The following IRAG2 variants were observed in gnomAD, a reference collection of about 807,000 sequenced individuals.
IRAG2 encodes lymphoid restricted membrane protein.
In IRAG2, 45 loss-of-function variants were observed where a neutral mutation model predicts 69.9. That is an observed-to-expected ratio of 0.64 (90% CI 0.51 to 0.83). The LOEUF (loss-of-function observed/expected upper bound fraction) is 0.83, where lower values mean the gene tolerates loss of function less well. Among genes scored for constraint, IRAG2 ranks in the 40% least tolerant of loss-of-function variants. The pLI is 0.00. For missense variants in IRAG2, 520 were observed against 587.0 expected, an observed-to-expected ratio of 0.89 and a Z score of 1.18; for synonymous variants, 193 against 202.4, an observed-to-expected ratio of 0.95 and a Z score of 0.40.
chr12:25,070,680 G>A (rs1470950191), intron 6 of IRAG2, among the ~76,000 whole-genome samples: 1 of 152,166 alleles, frequency 6.6e-6, no homozygotes, highest in Non-Finnish European at 1.5e-5. Context: ...GCATCATATG[G>A]TAACTCTATG....
At chr12:25,022,145 A>G (rs1454494258) in intron 7 of IRAG2, among the ~76,000 whole-genome samples, 1 of 152,146 alleles carries the variant, frequency 6.6e-6, no homozygotes, top group Non-Finnish European at 1.5e-5. Flanking sequence ...GCTGGGAGGG[A>G]TAAATGAGCT....
rs939882608 is a variant in IRAG2, at chr12:25,006,667, G to A, written c.688+1313G>A. ...TGTTCTCAATTTTAAGTGGGAGTTAGACATTGTATATACATGGAAACAAAG... is the reference window on the plus strand; with the variant it reads ...TGTTCTCAATTTTAAGTGGGAGTTAAACATTGTATATACATGGAAACAAAG... On this transcript the variant is annotated intron_variant, in intron 2 of 38. Transcript: ENST00000636465. Among the ~76,000 whole-genome samples, 13 of 152,244 alleles carry A rather than the reference G, an allele frequency of 8.5e-5. No individual in the cohort carries two copies. In the South Asian group the frequency reaches 2.7e-3, roughly 32 times the overall value.
chr12:24,999,928 T>TA (rs1453661509), upstream of IRAG2, among the ~76,000 whole-genome samples: 1 of 152,180 alleles, frequency 6.6e-6, no homozygotes, highest in Admixed American at 6.5e-5. Context: ...ATACTTACAC[T>TA]AAAAAATTAG....
At chr12:25,062,155 C>G (rs895279118) in intron 2 of IRAG2, among the ~76,000 whole-genome samples, 2 of 152,106 alleles carry the variant, frequency 1.3e-5, no homozygotes, top group African/African-American at 4.8e-5. Context: ...GGTGAATCTC[C>G]TTTTTGTTCA....
intron 1 of IRAG2, among the ~76,000 whole-genome samples, chr12:25,059,439 C>T (rs1302083504): frequency 6.6e-6 from 1 of 152,110 alleles, no homozygotes; most frequent in Non-Finnish European, 1.5e-5. Context: ...GCAACCTCCG[C>T]CTCCCGGGTT....
At chr12:25,070,691 T>A (rs1315562602) in intron 6 of IRAG2, among the ~76,000 whole-genome samples, 1 of 152,222 alleles carries the variant, frequency 6.6e-6, no homozygotes, top group Non-Finnish European at 1.5e-5. Context: ...TAACTCTATG[T>A]TTAATGTTTT....
intron 6 of IRAG2, among the ~76,000 whole-genome samples, chr12:25,017,729 C>T (rs1172641956): frequency 6.7e-6 from 1 of 150,280 alleles, no homozygotes; most frequent in Non-Finnish European, 1.5e-5. Context: ...AAAAAAAAAC[C>T]AACAAAAAAA....
At chr12:25,008,370 G>C (rs1256803547) in intron 2 of IRAG2, among the ~76,000 whole-genome samples, 1 of 152,116 alleles carries the variant, frequency 6.6e-6, no homozygotes, top group African/African-American at 2.4e-5. Context: ...AGGAGGCCAA[G>C]GTGGAGGCTC....
intron 15 of IRAG2, 149 bp downstream of exon 15, chr12:25,097,193 C>A: frequency 2.2e-5 from 13 of 601,098 alleles, no homozygotes; most frequent in South Asian, 1.4e-4. Context: ...GTGTTTAATA[C>A]AGAAAAAATG....
intron 14 of IRAG2, among the ~76,000 whole-genome samples, chr12:25,094,681 A>C (rs976227654): frequency 5.9e-5 from 9 of 152,040 alleles, no homozygotes; most frequent in Non-Finnish European, 1.2e-4. Context: ...GCTTAACAAA[A>C]TCAGGTCTAC....
intron 11 of IRAG2, among the ~76,000 whole-genome samples, 159 bp from the exon 12 acceptor site, chr12:25,089,455 C>G (rs1444039177): frequency 2.6e-5 from 4 of 152,198 alleles, no homozygotes; most frequent in African/African-American, 9.7e-5. Context: ...AATAGCTTAG[C>G]ATAACATTAT....
At chr12:25,052,363 T>C, upstream of IRAG2, 3 of 398,630 alleles carry the variant, frequency 7.5e-6, no homozygotes, top group Non-Finnish European at 1.3e-5. Context: ...GGGTGGCTCA[T>C]GGCTACATTA....
At chr12:25,091,154 CAT>C (rs916531466) in intron 14 of IRAG2, 4 of 173,042 alleles carry the variant, frequency 2.3e-5, no homozygotes, top group Non-Finnish European at 3.7e-5. Flanking sequence ...AAATATGTAA[CAT>C]AAAATTTATC....
chr12:25,020,743 G>A, intron 6 of IRAG2: 4 of 913,284 alleles, frequency 4.4e-6, no homozygotes, highest in Admixed American at 4.3e-5. Flanking sequence ...GTCTTTGACG[G>A]TTATATTTGA....
intron 6 of IRAG2, among the ~76,000 whole-genome samples, chr12:25,018,783 T>A (rs562938101): frequency 1.2e-4 from 19 of 152,348 alleles, no homozygotes; most frequent in African/African-American, 4.3e-4. Flanking sequence ...GTAACTCACA[T>A]AATGGACAGA....
chr12:25,055,303 T>C (rs1033633650), intron 1 of IRAG2, among the ~76,000 whole-genome samples: 1 of 152,254 alleles, frequency 6.6e-6, no homozygotes, highest in African/African-American at 2.4e-5. Context: ...GCAATTCATG[T>C]GCATGATATT....
intron 11 of IRAG2, 21 bp downstream of exon 11, chr12:25,088,178 T>A (rs1565576091): frequency 6.3e-7 from 1 of 1,598,312 alleles, no homozygotes; most frequent in Non-Finnish European, 8.6e-7. Flanking sequence ...TTTCTTTCAA[T>A]CCCCATGTGA....
At chr12:25,027,519 C>T (rs1386968600) in intron 9 of IRAG2, among the ~76,000 whole-genome samples, 5 of 151,508 alleles carry the variant, frequency 3.3e-5, no homozygotes, top group African/African-American at 9.7e-5. Context: ...CTCAGCCTCC[C>T]GAGTAGCTGG....
chr12:25,078,375 C>T (rs1946966018), intron 6 of IRAG2, among the ~76,000 whole-genome samples: 1 of 152,134 alleles, frequency 6.6e-6, no homozygotes, highest in Non-Finnish European at 1.5e-5. Context: ...ATACAATATT[C>T]CCCCATGGGA....
Sources: allele counts gnomAD v4.1 joint callset (sites outside exome capture counted in the v4.1 genomes callset), GRCh38; gene constraint gnomAD v4.1.1; transcripts MANE v1.5; gene names NCBI Gene and HGNC (gene_info 2026-07-23, HGNC 2026-07-21).